Variants in ATP2B2 observed in about 807,000 individuals in gnomAD.
ATP2B2 encodes ATPase plasma membrane Ca2+ transporting 2, also known as plasma membrane calcium-transporting ATPase 2.
In ATP2B2, 15 loss-of-function variants were observed where a neutral mutation model predicts 120.0. The ratio of observed to expected loss-of-function variants is 0.12; its 90% CI spans 0.08 to 0.19. The LOEUF is 0.19. Among genes scored for constraint, ATP2B2 ranks in the 10% least tolerant of loss-of-function variants. ATP2B2 has a pLI of 1.00. For synonymous variants in ATP2B2, 694 were observed against 700.3 expected, an observed-to-expected ratio of 0.99 and a Z score of 0.14; for missense variants, 1,045 against 1,719.8, an observed-to-expected ratio of 0.61 and a Z score of 6.94.
intron 5 of ATP2B2, among the ~76,000 whole-genome samples, chr3:10,391,682 A>C (rs1402906155): frequency 6.6e-6 from 1 of 152,136 alleles, no homozygotes; most frequent in Non-Finnish European, 1.5e-5. Context: ...TAGCCAGGGC[A>C]GGGGAGACGG....
chr3:10,656,958 C>T (rs574828413), intron 1 of ATP2B2, among the ~76,000 whole-genome samples: 4 of 152,076 alleles, frequency 2.6e-5, no homozygotes, highest in Non-Finnish European at 5.9e-5. Flanking sequence ...TGAAGGGGAG[C>T]AGGGAAAGAG....
chr3:10,467,503 CAG>C (rs1223073296), intron 1 of ATP2B2, among the ~76,000 whole-genome samples: 1 of 152,228 alleles, frequency 6.6e-6, no homozygotes, highest in African/African-American at 2.4e-5. Context: ...GCACACCTGG[CAG>C]ACACAGTTGG....
intron 1 of ATP2B2, among the ~76,000 whole-genome samples, chr3:10,495,573 C>T (rs539142480): frequency 6.6e-6 from 1 of 152,304 alleles, no homozygotes; most frequent in Admixed American, 6.5e-5. Context: ...CCACTGTAGA[C>T]GTTCCCAGGG....
chr3:10,558,548 G>T (rs6806666), intron 2 of ATP2B2, among the ~76,000 whole-genome samples: 16,960 of 152,100 alleles, frequency 0.11, 1,026 homozygotes, highest in East Asian at 0.19. Flanking sequence ...GAGAGGAAGG[G>T]GTGAATACAT....
chr3:10,660,096 C>T (rs1312191946), intron 1 of ATP2B2, among the ~76,000 whole-genome samples: 1 of 152,190 alleles, frequency 6.6e-6, no homozygotes, highest in Non-Finnish European at 1.5e-5. Flanking sequence ...ACATTTAAAG[C>T]AGTGTGTAGA....
At chr3:10,507,735 C>T (rs1030643799), upstream of ATP2B2, among the ~76,000 whole-genome samples, 3 of 152,208 alleles carry the variant, frequency 2.0e-5, no homozygotes, top group Admixed American at 6.5e-5. Context: ...TTGTAAAGGC[C>T]ACCTACAAAA....
At chr3:10,408,849 T>C (rs780754911) in intron 3 of ATP2B2, among the ~76,000 whole-genome samples, 40 of 152,180 alleles carry the variant, frequency 2.6e-4, no homozygotes, top group Non-Finnish European at 4.6e-4. Flanking sequence ...TGAGGCCATG[T>C]ATCCGAGCTG....
chr3:10,396,018 T>C (rs2062024260), intron 5 of ATP2B2, among the ~76,000 whole-genome samples: 1 of 152,236 alleles, frequency 6.6e-6, no homozygotes, highest in Non-Finnish European at 1.5e-5. Flanking sequence ...GAAACCTGCC[T>C]GGTTTTGATG....
intron 2 of ATP2B2, among the ~76,000 whole-genome samples, chr3:10,573,640 G>A (rs931054349): frequency 6.6e-6 from 1 of 152,166 alleles, no homozygotes; most frequent in Non-Finnish European, 1.5e-5. Context: ...GCTTGGTTGG[G>A]TACCATCCTT....
At chr3:10,509,355 C>T (rs1336734549), upstream of ATP2B2, among the ~76,000 whole-genome samples, 2 of 152,182 alleles carry the variant, frequency 1.3e-5, no homozygotes, top group African/African-American at 4.8e-5. Flanking sequence ...TCTGGGGCAG[C>T]TCTCAGGTCA....
intron 12 of ATP2B2, among the ~76,000 whole-genome samples, chr3:10,365,149 G>C (rs925760739): frequency 6.6e-6 from 1 of 152,222 alleles, no homozygotes; most frequent in African/African-American, 2.4e-5. Flanking sequence ...GGGGGTCTGG[G>C]CCCTGAGCCC....
intron 2 of ATP2B2, among the ~76,000 whole-genome samples, chr3:10,595,232 T>C (rs1027764298): frequency 2.0e-5 from 3 of 152,200 alleles, no homozygotes. Flanking sequence ...GGCCTTTAGT[T>C]ACAGGACACT....
At chr3:10,392,256 A>G (rs931219756) in intron 5 of ATP2B2, among the ~76,000 whole-genome samples, 1 of 152,162 alleles carries the variant, frequency 6.6e-6, no homozygotes, top group Non-Finnish European at 1.5e-5. Context: ...TATGTATTAC[A>G]TTTATAATTG....
At chr3:10,654,413 G>C (rs1339992182) in intron 1 of ATP2B2, among the ~76,000 whole-genome samples, 3 of 152,114 alleles carry the variant, frequency 2.0e-5, no homozygotes, top group East Asian at 1.9e-4. Flanking sequence ...TCAAGGAGGA[G>C]ACAACAGAGT....
Position 10,338,367 on chromosome 3 carries a change from G to A in ATP2B2, c.3238-9C>T, listed in dbSNP as rs201586763. 1 of 1,614,092 alleles carries A rather than the reference G, an allele frequency of 6.2e-7. No homozygotes were observed. The highest frequency in any genetic ancestry group is 8.5e-7 in the Non-Finnish European group (1 of 1,180,028). On this transcript the variant is annotated splice_polypyrimidine_tract_variant and intron_variant, in intron 21 of 22. Transcript: ENST00000360273. ...GGGATGGTGGCGATGACCTGCAAGG[G>A]ACCCTGTCTGTCAGGACGGTGGGGC...
rs113923489 is a variant in ATP2B2, at chr3:10,685,891, G to A, written c.-460+22024C>T. On this transcript the variant is annotated intron_variant, in intron 1 of 21. Coordinates refer to the ATP2B2 transcript ENST00000646379. ...TTTCTAAAACTAAATTTCTTTTTACGTGACATCTGTGACCACCTTCAATCA... is the reference window on the plus strand; with the variant it reads ...TTTCTAAAACTAAATTTCTTTTTACATGACATCTGTGACCACCTTCAATCA... Among the ~76,000 whole-genome samples the A allele has an allele frequency of 5.1e-3, 777 of 152,174 alleles. 7 individuals carry two copies. Among genetic ancestry groups the A allele is most frequent in the African/African-American group, 0.016 (669 of 41,526 alleles).
chr3:10,410,608 C>A lies in ATP2B2; in HGVS notation c.397+10G>T, dbSNP rs765355422. 7.5e-6 allele frequency: 12 copies of A among 1,598,312 alleles called. No homozygotes were observed. In the East Asian group the frequency reaches 2.5e-4, roughly 33 times the overall value. On this transcript the variant is annotated intron_variant, in intron 3 of 22. Transcript: ENST00000360273. ...TGCGGGGCGGTTCGTGGGTCTGAGG[C>A]CCATCTTACCTTCGTTGCCCTCGCC...
chr3:10,612,235 A>G (rs1023715267), intron 2 of ATP2B2, among the ~76,000 whole-genome samples: 2 of 152,094 alleles, frequency 1.3e-5, no homozygotes, highest in Admixed American at 6.5e-5. Context: ...TTCACTCCCT[A>G]TCTCTGCTTC....
At chr3:10,605,564 G>C (rs982020584) in intron 2 of ATP2B2, among the ~76,000 whole-genome samples, 53 of 152,226 alleles carry the variant, frequency 3.5e-4, no homozygotes, top group African/African-American at 1.3e-3. Context: ...AAAGACCTAA[G>C]AACAGTTTGT....
Sources: allele counts gnomAD v4.1 joint callset (sites outside exome capture counted in the v4.1 genomes callset), GRCh38; gene constraint gnomAD v4.1.1; transcripts MANE v1.5; gene names NCBI Gene and HGNC (gene_info 2026-07-23, HGNC 2026-07-21).